The following NGLY1 variants were observed in gnomAD, a reference collection of about 807,000 sequenced individuals.
NGLY1 encodes the protein N-glycanase 1, also known as peptide-N(4)-(N-acetyl-beta-glucosaminyl)asparagine amidase.
In NGLY1, 68 loss-of-function variants were observed where a neutral mutation model predicts 84.6. The observed-to-expected ratio is 0.80, with a 90% CI of 0.66 to 0.98. NGLY1 has a LOEUF of 0.98. Among genes scored for constraint, NGLY1 ranks in the 50% least tolerant of loss-of-function variants. NGLY1 has a pLI of 0.00. For missense variants in NGLY1, 779 were observed against 770.2 expected (o/e 1.01, Z -0.14); for synonymous variants, 280 against 275.2 (o/e 1.02, Z -0.17).
Position 25,764,174 on chromosome 3 carries a change from A to T in NGLY1, c.384T>A (p.Pro128=). The change falls in exon 3 of 12, where the codon CCT becomes CCA. Residue 128 remains proline (P), a synonymous_variant. Coordinates refer to ENST00000280700, the MANE Select transcript of NGLY1 (RefSeq NM_018297.4). ...TTGTAGGAAGCTGGGTACTGGCTGC[A>T]GGTTGCTGAGATGACTTTACTTTGT... is the stretch of plus-strand genomic sequence containing the variant. The part of the protein sequence containing the change: ...KSHKVKSSQQ[P]AASTQLPTTP... 1 of 1,614,188 alleles carries T rather than the reference A, an allele frequency of 6.2e-7. No homozygotes were observed. The highest frequency in any genetic ancestry group is 8.5e-7 in the Non-Finnish European group (1 of 1,180,024).
exon 1 of NGLY1, chr3:25,789,938 C>G: frequency 1.3e-6 from 2 of 1,535,078 alleles, no homozygotes; most frequent in Non-Finnish European, 8.8e-7. Flanking sequence ...CTCACGCAAA[C>G]AGCTACCCAG....
intron 2 of NGLY1, among the ~76,000 whole-genome samples, chr3:25,777,995 A>T (rs1171822306): frequency 6.6e-6 from 1 of 152,224 alleles, no homozygotes; most frequent in Non-Finnish European, 1.5e-5. Flanking sequence ...TACAAAGGAG[A>T]ACTAGTTAAG....
intron 10 of NGLY1, among the ~76,000 whole-genome samples, chr3:25,721,576 T>C (rs925588000): frequency 4.0e-5 from 6 of 151,082 alleles, no homozygotes; most frequent in Admixed American, 6.6e-5. Flanking sequence ...AGTGAAACCC[T>C]GCCTCTACTA....
chr3:25,764,082 G>T lies in NGLY1; in HGVS notation c.476C>A (p.Pro159Gln). The T allele has an allele frequency of 6.2e-7, 1 of 1,614,116 alleles. No homozygotes were observed. The change falls in exon 3 of 12, where the codon CCA becomes CAA. Residue 159 changes from proline (P) to glutamine (Q), a missense_variant. By Grantham distance (76) the Pro-to-Gln change is moderately conservative (BLOSUM62 -1). Coordinates refer to ENST00000280700, the MANE Select transcript of NGLY1 (RefSeq NM_018297.4). Reference sequence around the variant, plus strand: ...TAACATTACCGTTGAAGCAGATGGTGGATCTGATGACTGCCCTTGACGGTT... The same window carrying T: ...TAACATTACCGTTGAAGCAGATGGTTGATCTGATGACTGCCCTTGACGGTT... ...TRNRQGQSSDPPSASTVAADS... is the reference protein window; with the variant it reads ...TRNRQGQSSDQPSASTVAADS...
chr3:25,780,164 T>C (rs1402975856), intron 1 of NGLY1, among the ~76,000 whole-genome samples: 1 of 152,148 alleles, frequency 6.6e-6, no homozygotes, highest in African/African-American at 2.4e-5. Context: ...CAAAGAAAAT[T>C]TTATTCTCAA....
intron 3 of NGLY1, among the ~76,000 whole-genome samples, chr3:25,754,231 T>C (rs1706915406): frequency 1.3e-5 from 2 of 152,182 alleles, no homozygotes; most frequent in South Asian, 4.1e-4. Flanking sequence ...ATAAATATTA[T>C]TAAGCAAATA....
chr3:25,787,902 G>A (rs1708639321), upstream of NGLY1, among the ~76,000 whole-genome samples: 1 of 152,150 alleles, frequency 6.6e-6, no homozygotes, highest in African/African-American at 2.4e-5. Flanking sequence ...TTCTCCTCCT[G>A]CCAGGATGCC....
chr3:25,737,690 A>G (rs993516956), intron 5 of NGLY1, among the ~76,000 whole-genome samples: 7 of 151,792 alleles, frequency 4.6e-5, no homozygotes, highest in African/African-American at 1.7e-4. Context: ...CTACAGGTGC[A>G]TGCCACCAGG....
rs370585628 is a variant in NGLY1, at chr3:25,764,133, G to A, written c.425C>T (p.Pro142Leu). Residue 142 changes from proline to leucine, a missense_variant, in exon 3 of 12, where the codon CCC (proline) becomes CTC (leucine). Pro to Leu is a moderately conservative substitution (Grantham distance 98). Coordinates refer to ENST00000280700, the MANE Select transcript of NGLY1 (RefSeq NM_018297.4). The part of the protein sequence containing the change: ...TQLPTTPSSN[P>L]SGLNQHTRNR... ...CCTTGTGTGCTGGTTTAACCCACTG[G>A]GATTTGAAGATGGTGTTGTAGGAAG... 1.2e-6 allele frequency: 2 copies of A among 1,614,040 alleles called. No homozygotes were observed. The highest frequency in any genetic ancestry group is 1.7e-6 in the Non-Finnish European group (2 of 1,180,038).
intron 10 of NGLY1, among the ~76,000 whole-genome samples, chr3:25,725,854 TTCTC>T (rs1370797522): frequency 6.6e-6 from 1 of 152,190 alleles, no homozygotes; most frequent in Non-Finnish European, 1.5e-5. Flanking sequence ...TCTGTCTTCT[TTCTC>T]TCAGTATCAT....
intron 3 of NGLY1, among the ~76,000 whole-genome samples, chr3:25,757,210 T>TA (rs1342643914): frequency 6.6e-6 from 1 of 152,140 alleles, no homozygotes; most frequent in African/African-American, 2.4e-5. Flanking sequence ...GTAAAATGTA[T>TA]AAAAATAGAC....
intron 2 of NGLY1, among the ~76,000 whole-genome samples, chr3:25,768,372 T>C (rs1308721763): frequency 6.8e-6 from 1 of 148,148 alleles, no homozygotes; most frequent in African/African-American, 2.5e-5. Flanking sequence ...CGGTGAGTAG[T>C]GACTGTGCCA....
intron 10 of NGLY1, among the ~76,000 whole-genome samples, chr3:25,724,039 T>C (rs1394711109): frequency 6.6e-6 from 1 of 152,216 alleles, no homozygotes; most frequent in Non-Finnish European, 1.5e-5. Context: ...TATATAAAAA[T>C]AGAACTTGTC....
chr3:25,742,016 C>A (rs1465919209), intron 4 of NGLY1, among the ~76,000 whole-genome samples: 2 of 151,916 alleles, frequency 1.3e-5, no homozygotes, highest in Non-Finnish European at 2.9e-5. Context: ...AGATAAATTT[C>A]TAAATACATA....
chr3:25,774,120 G>A (rs192115822), intron 2 of NGLY1, among the ~76,000 whole-genome samples: 29 of 152,312 alleles, frequency 1.9e-4, no homozygotes, highest in Non-Finnish European at 3.5e-4. Context: ...GCTGTCATGC[G>A]ATTGGACTCA....
chr3:25,747,874 G>A (rs1018345551), intron 4 of NGLY1, among the ~76,000 whole-genome samples: 12 of 152,200 alleles, frequency 7.9e-5, no homozygotes, highest in African/African-American at 2.9e-4. Context: ...GGACTAGCTT[G>A]GGAGTAAGAA....
At chr3:25,755,241 T>C (rs1242828118) in intron 3 of NGLY1, 1 of 1,371,256 alleles carries the variant, frequency 7.3e-7, no homozygotes, top group East Asian at 2.3e-5. Context: ...TTGCCACTGA[T>C]TAAGCCATAT....
intron 2 of NGLY1, among the ~76,000 whole-genome samples, chr3:25,769,799 CT>C (rs1019720602): frequency 3.3e-5 from 5 of 151,528 alleles, no homozygotes; most frequent in Non-Finnish European, 4.4e-5. Context: ...TTATTTAATT[CT>C]TTTTTTTATT....
At chr3:25,733,176 C>T in intron 8 of NGLY1, among the ~76,000 whole-genome samples, 1 of 152,088 alleles carries the variant, frequency 6.6e-6, no homozygotes, top group East Asian at 1.9e-4. Flanking sequence ...AAGGGCTACA[C>T]ATCAGGAGTA....
Sources: allele counts gnomAD v4.1 joint callset (sites outside exome capture counted in the v4.1 genomes callset), GRCh38; gene constraint gnomAD v4.1.1; transcripts MANE v1.5; gene names NCBI Gene and HGNC (gene_info 2026-07-23, HGNC 2026-07-21).